Variants in DNAAF9 observed in about 807,000 individuals in gnomAD.
DNAAF9 encodes the protein dynein axonemal assembly factor 9.
A neutral mutation model predicts 167.0 loss-of-function variants in DNAAF9; 90 were observed. That is an observed-to-expected ratio of 0.54 (90% CI 0.45 to 0.64). The LOEUF (loss-of-function observed/expected upper bound fraction) is 0.64, where lower values mean the gene tolerates loss of function less well. Ranked by LOEUF, DNAAF9 falls within the 30% of genes least tolerant of loss-of-function variation. The pLI is 0.00. For missense variants in DNAAF9, 1,315 were observed against 1,442.2 expected (o/e 0.91, Z 1.43); for synonymous variants, 491 against 508.8 (o/e 0.96, Z 0.47).
intron 7 of DNAAF9, among the ~76,000 whole-genome samples, chr20:3,355,281 T>G (rs2083268713): frequency 6.6e-6 from 1 of 152,232 alleles, no homozygotes; most frequent in African/African-American, 2.4e-5. Context: ...TAATTATAAA[T>G]GTTTAAACAG....
At position 3,254,101 on chromosome 20, in the gene DNAAF9, T is replaced by G. The variant is rs148756114; in HGVS notation, c.3328-282A>C. 9.0e-3 allele frequency among the ~76,000 whole-genome samples: 1,368 copies of G among 152,194 alleles called. 20 individuals are homozygous for G. Among genetic ancestry groups the G allele is most frequent in the African/African-American group, 0.032 (1,314 of 41,512 alleles). Reference sequence around the variant, plus strand: ...TATTTATTTATTTATTTTTTTGAGATAGAGTCTTGCTTTGTCACCCAGGTT... The same window carrying G: ...TATTTATTTATTTATTTTTTTGAGAGAGAGTCTTGCTTTGTCACCCAGGTT... On this transcript the variant is annotated intron_variant, in intron 35 of 36. Transcript: ENST00000252032.
chr20:3,371,348 T>G (rs1471092934), intron 6 of DNAAF9, among the ~76,000 whole-genome samples: 1 of 134,566 alleles, frequency 7.4e-6, no homozygotes, highest in Non-Finnish European at 1.6e-5. Context: ...TTTTTTTTTT[T>G]TTTTTTTTTT....
chr20:3,261,362 T>C (rs1223210773), intron 31 of DNAAF9, among the ~76,000 whole-genome samples: 11 of 151,618 alleles, frequency 7.3e-5, no homozygotes, highest in Admixed American at 6.6e-4. Context: ...AATTAATTAA[T>C]TAATTAATTT....
chr20:3,383,130 C>A (rs940000537), intron 1 of DNAAF9, among the ~76,000 whole-genome samples: 12 of 152,042 alleles, frequency 7.9e-5, no homozygotes, highest in Non-Finnish European at 1.6e-4. Context: ...TTCTAAGGAC[C>A]CCATTCTCTC....
intron 7 of DNAAF9, among the ~76,000 whole-genome samples, chr20:3,355,220 T>C (rs927108559): frequency 2.0e-5 from 3 of 152,226 alleles, no homozygotes; most frequent in Admixed American, 6.5e-5. Context: ...ATGATGATGT[T>C]TTTTCAAAAA....
At position 3,290,144 on chromosome 20, in the gene DNAAF9, T is replaced by G. The variant is rs755727508; in HGVS notation, c.2312A>C (p.His771Pro). 1.7e-5 allele frequency: 28 copies of G among 1,610,490 alleles called. No homozygotes were observed. Among genetic ancestry groups the G allele is most frequent in the Non-Finnish European group, 2.2e-5 (26 of 1,176,650 alleles). The change falls in exon 26 of 37, where the codon CAT becomes CCT. Residue 771 changes from histidine (H) to proline (P), a missense_variant. Transcript: ENST00000252032. ...SELCAFLVTLHKECGRWMVYR... is the reference protein window; with the variant it reads ...SELCAFLVTLPKECGRWMVYR... ...CCATACTAACCTGCCACATTCCTTA[T>G]GCAGAGTGACCAGAAAAGCACAGAG...
At chr20:3,353,541 C>G (rs972020350) in intron 7 of DNAAF9, among the ~76,000 whole-genome samples, 36 of 151,560 alleles carry the variant, frequency 2.4e-4, no homozygotes, top group Admixed American at 2.2e-3. Flanking sequence ...GGTGGGAGAA[C>G]CACTTGAGAC....
chr20:3,343,443 G>A (rs2070126496), intron 9 of DNAAF9, among the ~76,000 whole-genome samples: 1 of 152,050 alleles, frequency 6.6e-6, no homozygotes, highest in Non-Finnish European at 1.5e-5. Flanking sequence ...CACCGCACCT[G>A]GCTGACAACA....
chr20:3,315,842 AG>A lies in DNAAF9; in HGVS notation c.1540-58del, dbSNP rs1186092444. 6 of 1,258,488 alleles carry A rather than the reference AG, an allele frequency of 4.8e-6. No individual in the cohort carries two copies. The African/African-American group carries it at 7.4e-5, about 15-fold the overall frequency. The allele number at this position is 1,258,488 out of a possible 1,614,324, so 78.0% of individuals were successfully genotyped here. ...AACTACTTCAAGGGAAAACCCTGCT[AG>A]GTCTCCCCACTGTGTTCAAATATTT... On this transcript the variant is annotated intron_variant, in intron 18 of 36. Coordinates refer to ENST00000252032, the MANE Select transcript of DNAAF9 (RefSeq NM_001009984.3). This position sits in a 1 kb window ranked among gnomAD's most constrained non-coding sequence, Gnocchi z 4.1.
In DNAAF9 at chr20:3,306,240, C is replaced by T. The variant is rs2069289942; in HGVS notation, c.1679-1697G>A. The stretch of plus-strand genomic sequence containing the variant: ...TACTCTCTGACTCCAGCACCCCATC[C>T]CCCTTTTAGCTGTTTCCCTCCCCAC... On this transcript the variant is annotated intron_variant, in intron 20 of 36. Transcript: ENST00000252032. 2.0e-5 allele frequency among the ~76,000 whole-genome samples: 3 copies of T among 152,306 alleles called. No individual in the cohort carries two copies. In the South Asian group the frequency reaches 6.2e-4, roughly 32 times the overall value.
intron 11 of DNAAF9, 28 bp from the exon 12 acceptor site, chr20:3,330,710 A>G (rs2069810350): frequency 1.3e-6 from 2 of 1,500,848 alleles, no homozygotes; most frequent in East Asian, 2.3e-5. Context: ...TAAGAATGTG[A>G]CAAGAGCACA....
chr20:3,363,904 T>C (rs559335879), intron 6 of DNAAF9, among the ~76,000 whole-genome samples: 1 of 152,172 alleles, frequency 6.6e-6, no homozygotes, highest in Non-Finnish European at 1.5e-5. Flanking sequence ...AATTATTGCA[T>C]TCATTATTAT....
chr20:3,257,911 T>G (rs1286266618), intron 33 of DNAAF9, among the ~76,000 whole-genome samples: 1 of 152,210 alleles, frequency 6.6e-6, no homozygotes, highest in Admixed American at 6.5e-5. Flanking sequence ...GTATTTTTAG[T>G]AGAGACAGGG....
chr20:3,314,421 G>A (rs896728978), intron 20 of DNAAF9, among the ~76,000 whole-genome samples: 1 of 152,146 alleles, frequency 6.6e-6, no homozygotes, highest in African/African-American at 2.4e-5. Context: ...TGAGATGGAG[G>A]GGGTCACAAG....
intron 6 of DNAAF9, among the ~76,000 whole-genome samples, chr20:3,363,324 C>T (rs1350300388): frequency 1.4e-4 from 20 of 138,962 alleles, no homozygotes; most frequent in Non-Finnish European, 2.9e-4. Flanking sequence ...TCTGGCCAGG[C>T]GTGGTGGCTC....
intron 1 of DNAAF9, among the ~76,000 whole-genome samples, chr20:3,386,890 GC>G (rs1002120631): frequency 4.6e-5 from 7 of 152,144 alleles, no homozygotes; most frequent in Non-Finnish European, 8.8e-5. Flanking sequence ...TTATGGAAAT[GC>G]AAATTAAAAC....
chr20:3,357,436 C>T (rs1363548377), intron 7 of DNAAF9, among the ~76,000 whole-genome samples: 1 of 152,060 alleles, frequency 6.6e-6, no homozygotes, highest in Non-Finnish European at 1.5e-5. Context: ...CGCACCACTA[C>T]ACTCCAGCCT....
intron 27 of DNAAF9, among the ~76,000 whole-genome samples, chr20:3,286,925 C>A (rs545414107): frequency 6.6e-6 from 1 of 152,210 alleles, no homozygotes; most frequent in Non-Finnish European, 1.5e-5. Flanking sequence ...TTCCTGACTG[C>A]GCATTCCCCT....
chr20:3,403,387 CTTCT>C (rs1022042170), intron 1 of DNAAF9, among the ~76,000 whole-genome samples: 2 of 151,752 alleles, frequency 1.3e-5, no homozygotes, highest in Non-Finnish European at 2.9e-5. Flanking sequence ...GAAGACCTTC[CTTCT>C]TATTTACCTG....
Sources: allele counts gnomAD v4.1 joint callset (sites outside exome capture counted in the v4.1 genomes callset), GRCh38; gene constraint gnomAD v4.1.1; non-coding constraint Gnocchi (gnomAD v3.1); transcripts MANE v1.5; gene names NCBI Gene and HGNC (gene_info 2026-07-23, HGNC 2026-07-21).